DIAPH2: variants seen among roughly 807,000 people sequenced by gnomAD.
The protein encoded by DIAPH2 is protein diaphanous homolog 2.
In DIAPH2, 35 loss-of-function variants were observed where a neutral mutation model predicts 92.7. The observed-to-expected ratio is 0.38, with a 90% CI of 0.29 to 0.50. The LOEUF is 0.50. Ranked by LOEUF, DIAPH2 falls within the 20% of genes least tolerant of loss-of-function variation. DIAPH2 has a pLI of 0.94. For missense variants in DIAPH2, 701 were observed against 819.5 expected (o/e 0.86, Z 1.77); for synonymous variants, 301 against 280.4 (o/e 1.07, Z -0.73).
chrX:97,159,680 A>T (rs989046817), intron 22 of DIAPH2, among the ~76,000 whole-genome samples: 4 of 112,404 alleles, frequency 3.6e-5, no homozygotes, highest in African/African-American at 1.3e-4. Flanking sequence ...CAGATTTTTT[A>T]AAATGAAAAT....
At chrX:96,713,523 T>G (rs756473035) in intron 1 of DIAPH2, among the ~76,000 whole-genome samples, 7 of 111,677 alleles carry the variant, frequency 6.3e-5, no homozygotes, top group African/African-American at 2.3e-4. Flanking sequence ...ATAGTTCAGG[T>G]TCACTCTTGG....
At position 97,420,039 on chromosome X, in the gene DIAPH2, G is replaced by A. The variant is rs188236125; in HGVS notation, c.3146-9611G>A. ...CCAGAGGCATAAACTGGTTTTTCTG[G>A]TAAGCGTTAACATTTAGGTTTATTG... On this transcript the variant is annotated intron_variant, in intron 25 of 26. Coordinates refer to ENST00000324765, the MANE Select transcript of DIAPH2 (RefSeq NM_006729.5). 6.6e-3 allele frequency among the ~76,000 whole-genome samples: 734 copies of A among 110,869 alleles called. 2 individuals carry two copies. The highest frequency in any genetic ancestry group is 0.011 in the Non-Finnish European group (598 of 52,928).
At chrX:97,334,479 C>CAAAAAAAAAA in intron 23 of DIAPH2, among the ~76,000 whole-genome samples, 1 of 95,676 alleles carries the variant, frequency 1.0e-5, no homozygotes, top group South Asian at 4.8e-4. Context: ...AAAAAAAAAA[C>CAAAAAAAAAA]AAAAAACAAT....
At chrX:97,109,141 C>T (rs1484005495) in intron 20 of DIAPH2, among the ~76,000 whole-genome samples, 1 of 111,402 alleles carries the variant, frequency 9.0e-6, no homozygotes, top group Non-Finnish European at 1.9e-5. Flanking sequence ...AAGTGAGGCC[C>T]AGTGAGGTCA....
intron 4 of DIAPH2, among the ~76,000 whole-genome samples, chrX:96,877,006 A>G (rs1208445928): frequency 4.5e-5 from 5 of 111,781 alleles, no homozygotes; most frequent in African/African-American, 1.6e-4. Context: ...TGATACATAA[A>G]TTACATAACT....
intron 26 of DIAPH2, among the ~76,000 whole-genome samples, chrX:97,575,635 G>T: frequency 8.9e-6 from 1 of 112,042 alleles, no homozygotes; most frequent in Admixed American, 9.5e-5. Flanking sequence ...GAAAGGAAAT[G>T]AAATCAGTTT....
intron 13 of DIAPH2, among the ~76,000 whole-genome samples, chrX:96,944,625 A>G (rs2065727087): frequency 8.9e-6 from 1 of 112,053 alleles, no homozygotes; most frequent in Admixed American, 9.5e-5. Context: ...AAATAGAAAC[A>G]TACAGCATAT....
At chrX:96,886,661 T>A (rs1407961838) in intron 5 of DIAPH2, among the ~76,000 whole-genome samples, 1 of 111,484 alleles carries the variant, frequency 9.0e-6, no homozygotes, top group Admixed American at 9.6e-5. Flanking sequence ...GGAACCACTT[T>A]TTGTTGAAAA....
intron 9 of DIAPH2, among the ~76,000 whole-genome samples, chrX:96,926,147 C>T (rs1275846110): frequency 9.0e-6 from 1 of 110,891 alleles, no homozygotes; most frequent in Middle Eastern, 4.2e-3. Flanking sequence ...TATTGTACCC[C>T]ATAGCTCTGT....
rs1348588042 is a variant in DIAPH2 at position 96,898,696 on chromosome X, T to G, written c.588-13632T>G. ...GTAGGTTGCCTGTTCACTCTGATGG[T>G]AGTTCTTTTGCTGTGCAGAAGCTCT... On this transcript the variant is annotated intron_variant, in intron 5 of 26. Coordinates refer to ENST00000324765, the MANE Select transcript of DIAPH2 (RefSeq NM_006729.5). 3.7e-5 allele frequency among the ~76,000 whole-genome samples: 4 copies of G among 107,638 alleles called. No homozygotes were observed. The East Asian group carries it at 1.2e-3, about 32-fold the overall frequency. The allele number at this position is 107,638 out of a possible 115,157, so 93.5% of individuals were successfully genotyped here. A position where few individuals can be genotyped will look rare whatever the true frequency, so the allele number is the denominator to read the frequency against.
At chrX:96,824,362 A>G (rs993040952) in intron 4 of DIAPH2, among the ~76,000 whole-genome samples, 6 of 111,098 alleles carry the variant, frequency 5.4e-5, no homozygotes, top group African/African-American at 1.6e-4. Flanking sequence ...TGGAAATGAA[A>G]TGCTTTGGTA....
chrX:96,772,271 A>G (rs1448638931), intron 4 of DIAPH2, among the ~76,000 whole-genome samples: 1 of 111,929 alleles, frequency 8.9e-6, no homozygotes, highest in East Asian at 2.8e-4. Context: ...AAAGCCCTTC[A>G]TGTATTTCCT....
At chrX:97,517,372 A>G (rs1247736858) in intron 26 of DIAPH2, among the ~76,000 whole-genome samples, 1 of 112,202 alleles carries the variant, frequency 8.9e-6, no homozygotes, top group Non-Finnish European at 1.9e-5. Context: ...CAATGAAATA[A>G]TAAAGATGAG....
chrX:96,991,364 T>G (rs2066069283), intron 17 of DIAPH2, among the ~76,000 whole-genome samples: 1 of 110,164 alleles, frequency 9.1e-6, no homozygotes, highest in Non-Finnish European at 1.9e-5. Context: ...GTGATCCACC[T>G]GCCTCGCCCT....
chrX:97,362,386 A>G (rs1001983268), intron 24 of DIAPH2, among the ~76,000 whole-genome samples: 6 of 112,412 alleles, frequency 5.3e-5, no homozygotes, highest in African/African-American at 1.9e-4. Flanking sequence ...AATAAATGAG[A>G]TGTTATCTGT....
chrX:97,141,837 T>G, intron 22 of DIAPH2, 43 bp downstream of exon 22: 2 of 1,125,090 alleles, frequency 1.8e-6, no homozygotes, highest in Non-Finnish European at 2.4e-6. Flanking sequence ...CTTGCCTATA[T>G]GGTTTAAATG....
intron 17 of DIAPH2, among the ~76,000 whole-genome samples, chrX:97,032,808 G>T (rs1454878607): frequency 9.0e-6 from 1 of 111,610 alleles, no homozygotes; most frequent in Non-Finnish European, 1.9e-5. Context: ...TTTGCCTAAA[G>T]GATGTACTGC....
intron 20 of DIAPH2, among the ~76,000 whole-genome samples, chrX:97,112,575 G>T (rs1372300793): frequency 9.1e-6 from 1 of 109,498 alleles, no homozygotes; most frequent in East Asian, 2.9e-4. Flanking sequence ...AGACTTTGAT[G>T]CGATTAGCTT....
At chrX:96,712,867 C>T (rs906913745) in intron 1 of DIAPH2, among the ~76,000 whole-genome samples, 15 of 111,297 alleles carry the variant, frequency 1.3e-4, no homozygotes, top group Non-Finnish European at 2.8e-4. Context: ...TCAGGGAACT[C>T]AAAGATAGTT....
Sources: allele counts gnomAD v4.1 joint callset (sites outside exome capture counted in the v4.1 genomes callset), GRCh38; gene constraint gnomAD v4.1.1; transcripts MANE v1.5; gene names NCBI Gene and HGNC (gene_info 2026-07-23, HGNC 2026-07-21).